Variants in CTBP2 observed in about 807,000 individuals in gnomAD.
CTBP2 encodes the protein C-terminal-binding protein 2.
In CTBP2, 30 loss-of-function variants were observed where a neutral mutation model predicts 80.3. The observed-to-expected ratio is 0.37, with a 90% confidence interval of 0.28 to 0.51. The LOEUF is 0.51. Ranked by LOEUF, CTBP2 falls within the 20% of genes least tolerant of loss-of-function variation. CTBP2 has a pLI of 0.93. For missense variants in CTBP2, 1,212 were observed against 1,375.3 expected (o/e 0.88, Z 1.88); for synonymous variants, 594 against 587.4 (o/e 1.01, Z -0.16).
rs2134723236 is a variant in CTBP2 at position 125,027,947 on chromosome 10, A to G, written c.-188T>C. On this transcript the variant is annotated 5_prime_UTR_variant, in exon 1 of 9. Transcript: ENST00000309035. ...CCTCCGAAACCTTAGCAGACAAAAC[A>G]TAAGACTCACGGTAACTTTGCCTCA... is the stretch of plus-strand genomic sequence containing the variant. 6 of 1,404,726 alleles carry G rather than the reference A, an allele frequency of 4.3e-6. No homozygotes were observed. The highest frequency in any genetic ancestry group is 1.6e-5 in the South Asian group (1 of 62,928). The allele number at this position is 1,404,726 out of a possible 1,614,324, so 87.0% of individuals were successfully genotyped here.
chr10:125,016,945 A>C (rs947946638), intron 1 of CTBP2, among the ~76,000 whole-genome samples: 1 of 152,252 alleles, frequency 6.6e-6, no homozygotes, highest in African/African-American at 2.4e-5. Flanking sequence ...GCCAGAGGTC[A>C]GCTCTAAGCA....
Position 125,066,086 on chromosome 10 carries a change from G to T in CTBP2, c.-101-26931C>A. Among the ~76,000 whole-genome samples the T allele has an allele frequency of 7.2e-6, 1 of 139,296 alleles. No individual in the cohort carries two copies. Among genetic ancestry groups the T allele is most frequent in the South Asian group, 2.2e-4 (1 of 4,518 alleles). The allele number at this position is 139,296 out of a possible 152,430, so 91.4% of individuals were successfully genotyped here. On this transcript the variant is annotated intron_variant, in intron 2 of 10. Transcript: ENST00000337195. This position sits in a 1 kb window ranked among gnomAD's most constrained non-coding sequence, Gnocchi z 4.1. ...ATGGCACTCTAGCCAAAAAAAAAAA[G>T]CCGTCATCTTCTTGATGGTGAACTC...
intron 1 of CTBP2, among the ~76,000 whole-genome samples, chr10:125,153,599 C>T (rs749332734): frequency 1.3e-5 from 2 of 152,208 alleles, no homozygotes; most frequent in African/African-American, 4.8e-5. Context: ...TCCACCCTCC[C>T]GCTGCCACAC....
At chr10:125,113,672 G>C (rs1852686306) in intron 1 of CTBP2, among the ~76,000 whole-genome samples, 1 of 152,180 alleles carries the variant, frequency 6.6e-6, no homozygotes, top group Admixed American at 6.5e-5. Context: ...ACTTGTTTTT[G>C]AACAATGTCT....
chr10:125,152,909 T>TA (rs397845963), intron 1 of CTBP2, among the ~76,000 whole-genome samples: 1 of 151,850 alleles, frequency 6.6e-6, no homozygotes, highest in Non-Finnish European at 1.5e-5. Context: ...GAAAAAACTT[T>TA]AAGATTATTG....
intron 1 of CTBP2, among the ~76,000 whole-genome samples, chr10:125,144,168 C>A (rs552003395): frequency 6.6e-6 from 1 of 152,148 alleles, no homozygotes; most frequent in Non-Finnish European, 1.5e-5. Context: ...CCTTTCAACC[C>A]GGGGGACTCC....
intron 1 of CTBP2, among the ~76,000 whole-genome samples, chr10:125,023,001 C>G (rs938050143): frequency 6.6e-6 from 1 of 152,198 alleles, no homozygotes; most frequent in African/African-American, 2.4e-5. Flanking sequence ...GATCAGCGTT[C>G]ACACCTCCAG....
chr10:125,058,566 C>A (rs879441815), intron 2 of CTBP2, among the ~76,000 whole-genome samples: 2 of 152,114 alleles, frequency 1.3e-5, no homozygotes, highest in Admixed American at 1.3e-4. Context: ...CTGAGGCGGG[C>A]AGATCACCTG....
upstream of CTBP2, chr10:125,028,099 G>A (rs561577362): frequency 5.8e-5 from 15 of 256,606 alleles, no homozygotes; most frequent in East Asian, 2.7e-4. Flanking sequence ...CTCAGCATGC[G>A]GATTAGGAGC....
At chr10:125,006,335 C>T (rs1019364923) in intron 1 of CTBP2, among the ~76,000 whole-genome samples, 8 of 152,232 alleles carry the variant, frequency 5.3e-5, no homozygotes, top group East Asian at 1.9e-4. Flanking sequence ...GGGATGCTTG[C>T]GTGCCCTGCA....
intron 1 of CTBP2, among the ~76,000 whole-genome samples, chr10:125,146,057 G>A (rs1236285558): frequency 4.6e-5 from 7 of 151,354 alleles, no homozygotes; most frequent in Middle Eastern, 3.5e-3. Context: ...CCGATTAGCT[G>A]GAATTACAGG....
At chr10:125,007,040 A>G (rs1197935946) in intron 1 of CTBP2, among the ~76,000 whole-genome samples, 1 of 152,190 alleles carries the variant, frequency 6.6e-6, no homozygotes, top group South Asian at 2.1e-4. Context: ...AGGTATGAGG[A>G]GACACTTGCG....
chr10:125,086,882 C>T (rs1267706967), intron 2 of CTBP2, among the ~76,000 whole-genome samples: 1 of 152,108 alleles, frequency 6.6e-6, no homozygotes, highest in Non-Finnish European at 1.5e-5. Flanking sequence ...GGGGGCTCCG[C>T]CTCTAGAACA....
At chr10:125,094,138 CAG>C (rs1478539449) in intron 2 of CTBP2, among the ~76,000 whole-genome samples, 3 of 152,138 alleles carry the variant, frequency 2.0e-5, no homozygotes, top group Non-Finnish European at 2.9e-5. Flanking sequence ...GTTAAAGAAA[CAG>C]AGGAAAGCAG....
rs375260411 is a variant in CTBP2, at chr10:124,988,037, A to AAAGTC, written c.*1476_*1480dup. 6.6e-6 allele frequency: 1 copy of AAAGTC among 152,392 alleles called. No homozygotes were observed. Among genetic ancestry groups the AAAGTC allele is most frequent in the African/African-American group, 2.4e-5 (1 of 41,270 alleles). 9.4% of individuals were successfully genotyped at this position (152,392 alleles called of 1,614,324 possible). A position where few individuals can be genotyped will look rare whatever the true frequency, so the allele number is the denominator to read the frequency against. On this transcript the variant is annotated 3_prime_UTR_variant, in exon 9 of 9. Transcript: ENST00000309035. ...AGGTCATTTTGCTTTGGGGTAGATT[A>AAAGTC]AAGTCAGAACTCTAAAAGTTGAGCA...
intron 2 of CTBP2, among the ~76,000 whole-genome samples, chr10:125,074,912 A>G (rs528118493): frequency 3.3e-5 from 5 of 152,332 alleles, no homozygotes; most frequent in Non-Finnish European, 7.3e-5. Context: ...CACCTGTGGA[A>G]CCATGAGTCC....
intron 1 of CTBP2, among the ~76,000 whole-genome samples, chr10:125,012,323 T>A (rs1025215089): frequency 2.6e-5 from 4 of 152,164 alleles, no homozygotes; most frequent in African/African-American, 9.7e-5. Flanking sequence ...CTCTGCGACA[T>A]ACCCTCCTGC....
rs1233482096 is a variant in CTBP2, at chr10:125,066,651, C to T, written c.-101-27496G>A. ...CACAGAAGCCAGGGAGCACAGTGCA[C>T]CAACCTTCAGTGTAATCTCCAGTCC... is the stretch of plus-strand genomic sequence containing the variant. On this transcript the variant is annotated intron_variant, in intron 2 of 10. Coordinates refer to the CTBP2 transcript ENST00000337195. The surrounding 1 kb of genome is among the most constrained non-coding windows in gnomAD (Gnocchi z 4.1). 6.6e-6 allele frequency among the ~76,000 whole-genome samples: 1 copy of T among 152,156 alleles called. No homozygotes were observed. Among genetic ancestry groups the T allele is most frequent in the African/African-American group, 2.4e-5 (1 of 41,426 alleles).
chr10:125,117,969 C>CA (rs1187476974), intron 1 of CTBP2, among the ~76,000 whole-genome samples: 8 of 152,134 alleles, frequency 5.3e-5, no homozygotes, highest in African/African-American at 1.9e-4. Flanking sequence ...CAGTCTTTGT[C>CA]AGAGAGTGTT....
Sources: gnomAD v4.1 joint callset for allele counts (sites outside exome capture counted in the v4.1 genomes callset) on GRCh38, gnomAD v4.1.1 for gene constraint, Gnocchi (gnomAD v3.1) non-coding constraint, MANE v1.5 for transcripts, NCBI Gene and HGNC (gene_info 2026-07-23, HGNC 2026-07-21) for gene names.